The following ARVCF variants were observed in gnomAD, a reference collection of about 807,000 sequenced individuals.
ARVCF encodes ARVCF delta catenin family member.
Under a neutral mutation model 90.9 loss-of-function variants are expected in ARVCF, and 66 were observed. The observed-to-expected ratio is 0.73, with a 90% confidence interval of 0.60 to 0.89. The LOEUF (loss-of-function observed/expected upper bound fraction) is 0.89, where lower values mean the gene tolerates loss of function less well. Among genes scored for constraint, ARVCF ranks in the 40% least tolerant of loss-of-function variants. The pLI, the probability that ARVCF is intolerant of heterozygous loss-of-function variation, is 0.00. For synonymous variants in ARVCF, 653 were observed against 603.4 expected, an observed-to-expected ratio of 1.08 and a Z score of -1.21; for missense variants, 1,469 against 1,382.3, an observed-to-expected ratio of 1.06 and a Z score of -1.00.
intron 1 of ARVCF, among the ~76,000 whole-genome samples, chr22:20,012,456 C>T (rs1177422277): frequency 1.3e-5 from 2 of 152,244 alleles, no homozygotes; most frequent in Non-Finnish European, 2.9e-5. Context: ...GATGTGAAGG[C>T]AGAACTAGTG....
Position 19,977,425 on chromosome 22 carries a change from C to G in ARVCF, c.1860G>C (p.Lys620Asn). 6.5e-7 allele frequency: 1 copy of G among 1,530,248 alleles called. No homozygotes were observed. The highest frequency in any genetic ancestry group is 2.3e-5 in the East Asian group (1 of 43,076). The allele number at this position is 1,530,248 out of a possible 1,614,324, so 94.8% of individuals were successfully genotyped here. A position where few individuals can be genotyped will look rare whatever the true frequency, so the allele number is the denominator to read the frequency against. ...RRDDASCFGG[K>N]KAKEEWFHQG... ...GTCCGCCCCACCCACCTTTGGCCTT[C>G]TTGCCTCCAAAGCAGCTGGCATCAT... The change falls in exon 9 of 20, where the codon AAG becomes AAC. Residue 620 changes from lysine to asparagine, a missense_variant. Lys to Asn is a moderately conservative substitution (Grantham distance 94). Coordinates refer to ENST00000263207, the MANE Select transcript of ARVCF (RefSeq NM_001670.3).
At chr22:19,972,089 C>T (rs1942843102) in intron 17 of ARVCF, 118 bp from the exon 18 acceptor site, 2 of 1,026,652 alleles carry the variant, frequency 1.9e-6, no homozygotes, top group Admixed American at 2.6e-5. Flanking sequence ...GGAGACAGCC[C>T]CCACCCACCC....
chr22:19,979,935 G>A lies in ARVCF; in HGVS notation c.1204C>T (p.Leu402=). 6.3e-7 allele frequency: 1 copy of A among 1,595,390 alleles called. No homozygotes were observed. Among genetic ancestry groups the A allele is most frequent in the Non-Finnish European group, 8.5e-7 (1 of 1,171,768 alleles). ...VKRRVRQLRG[L]PLLVALLDHP... is the part of the protein sequence containing the mutation. ...TCCAGCAGTGCCACAAGCAGCGGCA[G>A]CCCCCGCAACTGCCGTACACGCCGC... The change falls in exon 6 of 20, where the codon CTG becomes TTG. Residue 402 remains leucine (L), a synonymous_variant. Transcript: ENST00000263207.
rs777494200 is a variant in ARVCF at position 19,976,644 on chromosome 22, G to A, written c.1888+62C>T. ...AGGGCCCTGGGGCTGGAACGTGCTC[G>A]CCTCTTCCCAGGTACCCACTGCACA... On this transcript the variant is annotated intron_variant, in intron 10 of 19. Transcript: ENST00000263207. 3.2e-5 allele frequency: 49 copies of A among 1,542,150 alleles called. No homozygotes were observed. In the East Asian group the frequency reaches 8.8e-4, roughly 28 times the overall value.
At chr22:19,989,670 G>C (rs1028880152) in intron 3 of ARVCF, among the ~76,000 whole-genome samples, 1 of 152,154 alleles carries the variant, frequency 6.6e-6, no homozygotes, top group East Asian at 1.9e-4. Context: ...GAGTATGCTG[G>C]GGGGAGGTCT....
At chr22:19,979,542 C>T in intron 6 of ARVCF, 1 of 807,046 alleles carries the variant, frequency 1.2e-6, no homozygotes, top group Admixed American at 3.0e-5. Flanking sequence ...CGTCAGCCTC[C>T]CTGCTATGGT....
At chr22:19,994,084 G>T (rs1944130930) in intron 2 of ARVCF, among the ~76,000 whole-genome samples, 1 of 152,154 alleles carries the variant, frequency 6.6e-6, no homozygotes, top group Non-Finnish European at 1.5e-5. Flanking sequence ...AGCGAAGGAT[G>T]GACAGACAGA....
chr22:20,013,669 G>A (rs1944919241), intron 1 of ARVCF, among the ~76,000 whole-genome samples: 1 of 152,174 alleles, frequency 6.6e-6, no homozygotes, highest in Admixed American at 6.5e-5. Context: ...GCAGTGGGAA[G>A]GGCCTGTGCA....
chr22:19,984,806 C>A (rs1481601142), intron 3 of ARVCF, among the ~76,000 whole-genome samples: 1 of 152,224 alleles, frequency 6.6e-6, no homozygotes, highest in African/African-American at 2.4e-5. Context: ...CACACAGGGA[C>A]AGGGGCCACC....
intron 3 of ARVCF, 140 bp from the exon 4 acceptor site, chr22:19,982,231 A>ACCCC: frequency 8.5e-7 from 1 of 1,175,104 alleles, no homozygotes; most frequent in Non-Finnish European, 1.2e-6. Context: ...GAACCCACCC[A>ACCCC]CCCCAAGGCC....
At chr22:20,016,338 G>A (rs967643116) in intron 1 of ARVCF, among the ~76,000 whole-genome samples, 14 of 152,152 alleles carry the variant, frequency 9.2e-5, no homozygotes, top group Non-Finnish European at 1.3e-4. Flanking sequence ...CCAAGGCCAC[G>A]CACAAAGAGA....
chr22:19,998,593 T>C (rs921074799), intron 2 of ARVCF, among the ~76,000 whole-genome samples: 1 of 152,098 alleles, frequency 6.6e-6, no homozygotes, highest in African/African-American at 2.4e-5. Flanking sequence ...CCGAGAAGCC[T>C]CTCTGCAGGA....
chr22:19,969,940 G>A lies in ARVCF; in HGVS notation c.*816C>T, dbSNP rs1056398253. The stretch of plus-strand genomic sequence containing the variant: ...TTTAAATTTTCTTACAAAAATTTAG[G>A]TGTTTACCAATAGTCTTATTTTGGC... On this transcript the variant is annotated 3_prime_UTR_variant, in exon 20 of 20. Coordinates refer to ENST00000263207, the MANE Select transcript of ARVCF (RefSeq NM_001670.3). 2.0e-6 allele frequency: 2 copies of A among 985,444 alleles called. No homozygotes were observed. The highest frequency in any genetic ancestry group is 1.2e-6 in the Non-Finnish European group (1 of 829,938). The allele number at this position is 985,444 out of a possible 1,614,324, so 61.0% of individuals were successfully genotyped here.
chr22:20,003,482 A>C (rs1944514919), intron 2 of ARVCF, among the ~76,000 whole-genome samples: 1 of 152,196 alleles, frequency 6.6e-6, no homozygotes, highest in South Asian at 2.1e-4. Context: ...AAACAAAAAA[A>C]CACTAGCAAA....
chr22:19,968,461 C>A, downstream of ARVCF: 1 of 1,436,848 alleles, frequency 7.0e-7, no homozygotes, highest in Non-Finnish European at 9.6e-7. Context: ...TAGTGAGGAG[C>A]ACCCATCCTG....
intron 9 of ARVCF, 112 bp downstream of exon 9, chr22:19,977,303 C>T: frequency 1.5e-6 from 2 of 1,365,634 alleles, no homozygotes; most frequent in Non-Finnish European, 1.9e-6. Flanking sequence ...CTGTTGGGGG[C>T]TGACCAGGTG....
At chr22:20,007,295 G>A (rs1356113990) in intron 2 of ARVCF, among the ~76,000 whole-genome samples, 1 of 152,148 alleles carries the variant, frequency 6.6e-6, no homozygotes, top group Non-Finnish European at 1.5e-5. Context: ...CCAGCTACTC[G>A]GGAGGTTGAG....
In ARVCF at chr22:19,979,798, G is replaced by C; in HGVS notation, c.1341C>G (p.Ala447=). The change falls in exon 6 of 20, where the codon GCC becomes GCG. Residue 447 remains alanine, a synonymous_variant. Coordinates refer to ENST00000263207, the MANE Select transcript of ARVCF (RefSeq NM_001670.3). ...AAIRDCGGVP[A]LVRLLRAARD... is the part of the protein sequence containing the mutation. ...GGGCAGCCCTCAGCAGGCGCACCAG[G>C]GCAGGCACACCACCGCAGTCCCGGA... 6.2e-7 allele frequency: 1 copy of C among 1,609,214 alleles called. No homozygotes were observed. The highest frequency in any genetic ancestry group is 2.2e-5 in the East Asian group (1 of 44,718).
intron 2 of ARVCF, among the ~76,000 whole-genome samples, chr22:20,000,294 G>C (rs112350058): frequency 2.6e-5 from 4 of 152,352 alleles, no homozygotes; most frequent in African/African-American, 9.6e-5. Context: ...CAGAGCCTGA[G>C]CTGGATGCTG....
Sources: allele counts gnomAD v4.1 joint callset (sites outside exome capture counted in the v4.1 genomes callset), GRCh38; gene constraint gnomAD v4.1.1; transcripts MANE v1.5; gene names NCBI Gene and HGNC (gene_info 2026-07-23, HGNC 2026-07-21).